CFDP1: variants seen among roughly 807,000 people sequenced by gnomAD.
CFDP1 encodes the protein chromatin remodeling protein CFDP1, also known as heterochromatin-stabilizing protein CFDP1.
A neutral mutation model predicts 40.1 loss-of-function variants in CFDP1; 31 were observed. The ratio of observed to expected loss-of-function variants is 0.77; its 90% CI spans 0.58 to 1.04. The LOEUF (loss-of-function observed/expected upper bound fraction) is 1.04, where lower values mean the gene tolerates loss of function less well. CFDP1 is among the 50% of genes least tolerant of loss of function. The pLI is 0.00. For missense variants in CFDP1, 423 were observed against 343.4 expected (o/e 1.23, Z -1.83); for synonymous variants, 167 against 120.0 (o/e 1.39, Z -2.56).
intron 5 of CFDP1, among the ~76,000 whole-genome samples, chr16:75,353,165 CAACT>C (rs2078624087): frequency 6.6e-6 from 1 of 152,090 alleles, no homozygotes; most frequent in African/African-American, 2.4e-5. Flanking sequence ...CAGTGCCAAC[CAACT>C]GCCATGTATA....
intron 5 of CFDP1, among the ~76,000 whole-genome samples, chr16:75,342,502 G>A (rs977893741): frequency 4.6e-5 from 7 of 152,168 alleles, no homozygotes; most frequent in African/African-American, 1.7e-4. Context: ...TGGAACAAAA[G>A]GGGCAGGTAG....
intron 4 of CFDP1, among the ~76,000 whole-genome samples, chr16:75,397,059 G>A (rs2079000126): frequency 6.6e-6 from 1 of 151,994 alleles, no homozygotes; most frequent in South Asian, 2.1e-4. Flanking sequence ...GACTACGGGT[G>A]CCCGCCACCA....
intron 5 of CFDP1, among the ~76,000 whole-genome samples, chr16:75,320,574 A>G (rs940723205): frequency 1.1e-4 from 17 of 152,226 alleles, no homozygotes; most frequent in Admixed American, 1.1e-3. Context: ...TGTGAGAGCA[A>G]GGCCTCTGAC....
At chr16:75,332,909 G>A (rs2078457335) in intron 5 of CFDP1, among the ~76,000 whole-genome samples, 2 of 149,352 alleles carry the variant, frequency 1.3e-5, no homozygotes, top group Non-Finnish European at 3.0e-5. Context: ...CCAGGTTCAA[G>A]TGATTCTCCT....
intron 1 of CFDP1, among the ~76,000 whole-genome samples, chr16:75,420,230 A>G (rs1356878861): frequency 6.6e-6 from 1 of 152,226 alleles, no homozygotes; most frequent in Non-Finnish European, 1.5e-5. Flanking sequence ...CAAGTATACA[A>G]GAGAGGGATC....
chr16:75,296,952 G>A (rs1396185919), intron 6 of CFDP1, among the ~76,000 whole-genome samples: 1 of 152,192 alleles, frequency 6.6e-6, no homozygotes, highest in East Asian at 1.9e-4. Flanking sequence ...CAGTAGCTCT[G>A]ACATTTAGTT....
At chr16:75,424,056 C>CAA (rs202063453) in intron 1 of CFDP1, among the ~76,000 whole-genome samples, 1 of 147,826 alleles carries the variant, frequency 6.8e-6, no homozygotes, top group African/African-American at 2.5e-5. Flanking sequence ...TATTAACAGA[C>CAA]AAAAAAAAAG....
chr16:75,356,775 T>A (rs1250192471), intron 5 of CFDP1, among the ~76,000 whole-genome samples: 1 of 152,240 alleles, frequency 6.6e-6, no homozygotes. Flanking sequence ...TCATTTACAC[T>A]GAAAATCTGT....
At position 75,340,996 on chromosome 16, in the gene CFDP1, G is replaced by A. The variant is rs1358048138; in HGVS notation, c.651-35814C>T. Among the ~76,000 whole-genome samples the A allele has an allele frequency of 2.6e-5, 4 of 152,190 alleles. No homozygotes were observed. In the East Asian group the frequency reaches 7.7e-4, roughly 29 times the overall value. On this transcript the variant is annotated intron_variant, in intron 5 of 6. Coordinates refer to ENST00000283882, the MANE Select transcript of CFDP1 (RefSeq NM_006324.3). Reference sequence around the variant, plus strand: ...CCATTGTGAGTCTGTTTCCTGACTTGGAAGTAAAAAAAATATTTTCATGAT... The same window carrying A: ...CCATTGTGAGTCTGTTTCCTGACTTAGAAGTAAAAAAAATATTTTCATGAT...
chr16:75,379,244 TG>T (rs1286156059), intron 5 of CFDP1, among the ~76,000 whole-genome samples: 1 of 147,464 alleles, frequency 6.8e-6, no homozygotes, highest in Admixed American at 6.8e-5. Context: ...TAGAAGTAAA[TG>T]AAATTGAAAA....
intron 4 of CFDP1, among the ~76,000 whole-genome samples, chr16:75,395,847 C>G (rs1007462786): frequency 6.6e-5 from 10 of 151,478 alleles, no homozygotes; most frequent in Non-Finnish European, 1.2e-4. Flanking sequence ...AATTTCAAAT[C>G]TGAAACAATT....
At chr16:75,315,153 C>T (rs1001744020) in intron 5 of CFDP1, among the ~76,000 whole-genome samples, 3 of 151,788 alleles carry the variant, frequency 2.0e-5, no homozygotes, top group Non-Finnish European at 2.9e-5. Context: ...TCAGCCTGGG[C>T]GACATGGCAA....
chr16:75,308,997 G>A (rs753439692), intron 5 of CFDP1, among the ~76,000 whole-genome samples: 12 of 152,212 alleles, frequency 7.9e-5, no homozygotes, highest in African/African-American at 2.7e-4. Flanking sequence ...TTAACAAGGT[G>A]TAAGATGTCC....
At chr16:75,356,569 G>T (rs2078645037) in intron 5 of CFDP1, among the ~76,000 whole-genome samples, 1 of 152,086 alleles carries the variant, frequency 6.6e-6, no homozygotes, top group Non-Finnish European at 1.5e-5. Context: ...TTTTTAGAAT[G>T]GCAAATGAGC....
intron 1 of CFDP1, among the ~76,000 whole-genome samples, chr16:75,429,350 A>G (rs1045618920): frequency 1.3e-5 from 2 of 151,942 alleles, no homozygotes; most frequent in South Asian, 4.2e-4. Context: ...TTAGGCATTC[A>G]AGGTCTCATA....
chr16:75,312,231 GTT>G (rs1436739739), intron 5 of CFDP1, among the ~76,000 whole-genome samples: 5 of 152,166 alleles, frequency 3.3e-5, no homozygotes, highest in African/African-American at 1.2e-4. Flanking sequence ...TAGGGAGCTA[GTT>G]TAACTCCCAT....
At chr16:75,365,924 T>C (rs1344974611) in intron 5 of CFDP1, among the ~76,000 whole-genome samples, 4 of 152,212 alleles carry the variant, frequency 2.6e-5, no homozygotes, top group Non-Finnish European at 5.9e-5. Context: ...CGAACCCTCA[T>C]GCACTGCTGG....
At chr16:75,397,906 T>C (rs1352849177) in intron 4 of CFDP1, among the ~76,000 whole-genome samples, 3 of 152,244 alleles carry the variant, frequency 2.0e-5, no homozygotes, top group Non-Finnish European at 4.4e-5. Context: ...CAAAGGCCAA[T>C]GAAGTATTAG....
At chr16:75,414,734 G>C (rs1555566142) in intron 1 of CFDP1, 39 bp from the exon 2 acceptor site, 1 of 1,320,966 alleles carries the variant, frequency 7.6e-7, no homozygotes, top group Non-Finnish European at 1.1e-6. Flanking sequence ...AGGAATAAAG[G>C]TTTTCACATC....
Sources: gnomAD v4.1 joint callset for allele counts (sites outside exome capture counted in the v4.1 genomes callset) on GRCh38, gnomAD v4.1.1 for gene constraint, MANE v1.5 for transcripts, NCBI Gene and HGNC (gene_info 2026-07-23, HGNC 2026-07-21) for gene names.